The following ABTB3 variants were observed in gnomAD, a reference collection of about 807,000 sequenced individuals.
ABTB3 encodes the protein ankyrin repeat and BTB domain containing 3.
the ABTB3 span, among the ~76,000 whole-genome samples, chr12:107,619,638 G>A: frequency 6.6e-6 from 1 of 152,242 alleles, no homozygotes; most frequent in East Asian, 1.9e-4. Flanking sequence ...TCAGAATCCC[G>A]AAGTATGGAA....
chr12:107,436,018 C>T, the ABTB3 span, among the ~76,000 whole-genome samples: 1 of 152,210 alleles, frequency 6.6e-6, no homozygotes, highest in Non-Finnish European at 1.5e-5. Context: ...ATATTGCACA[C>T]TGCAGCTATA....
At chr12:107,588,046 AG>A in the ABTB3 span, among the ~76,000 whole-genome samples, 1 of 152,168 alleles carries the variant, frequency 6.6e-6, no homozygotes, top group African/African-American at 2.4e-5. Context: ...TGGTGGCTGC[AG>A]GCATTCCTTG....
chr12:107,540,549 GCTGCCAT>G, the ABTB3 span, among the ~76,000 whole-genome samples: 1 of 152,126 alleles, frequency 6.6e-6, no homozygotes, highest in Non-Finnish European at 1.5e-5. Flanking sequence ...CATACCCCTT[GCTGCCAT>G]CTGCACAAGG....
At chr12:107,571,727 A>C in the ABTB3 span, among the ~76,000 whole-genome samples, 39,454 of 152,176 alleles carry the variant, frequency 0.26, 5,232 homozygotes, top group East Asian at 0.32. Context: ...ATCATCATCC[A>C]ACCCCATTTG....
chr12:107,456,351 T>C, the ABTB3 span, among the ~76,000 whole-genome samples: 4 of 152,198 alleles, frequency 2.6e-5, no homozygotes, highest in African/African-American at 9.6e-5. Context: ...GCTTCATCTG[T>C]ATTTATAGTC....
the ABTB3 span, among the ~76,000 whole-genome samples, chr12:107,479,984 T>C: frequency 6.6e-6 from 1 of 152,094 alleles, no homozygotes; most frequent in African/African-American, 2.4e-5. Flanking sequence ...GATTGAGAAA[T>C]AACACAACCA....
the ABTB3 span, among the ~76,000 whole-genome samples, chr12:107,381,280 G>A: frequency 2.0e-5 from 3 of 152,244 alleles, no homozygotes; most frequent in Non-Finnish European, 4.4e-5. Flanking sequence ...AGGGGCATGT[G>A]CTAAATACTT....
the ABTB3 span, chr12:107,486,465 C>T: frequency 6.6e-6 from 1 of 152,064 alleles, no homozygotes. Flanking sequence ...AAAAAGTTGG[C>T]TGTTTTTCAC....
At chr12:107,564,090 C>CTCTGTGTG in the ABTB3 span, among the ~76,000 whole-genome samples, 80 of 126,438 alleles carry the variant, frequency 6.3e-4, no homozygotes, top group African/African-American at 1.9e-3. Flanking sequence ...ATCTATCTCT[C>CTCTGTGTG]TGTGTGTGTG....
At chr12:107,635,870 CCACACACACA>C in the ABTB3 span, among the ~76,000 whole-genome samples, 544 of 115,222 alleles carry the variant, frequency 4.7e-3, 3 homozygotes, top group African/African-American at 0.016. Context: ...CCCCACCCAC[CCACACACACA>C]CACACACACA....
the ABTB3 span, among the ~76,000 whole-genome samples, chr12:107,526,815 C>A: frequency 1.3e-5 from 2 of 152,146 alleles, no homozygotes; most frequent in African/African-American, 4.8e-5. Flanking sequence ...CGCAAACCCA[C>A]AAAAACAGCG....
chr12:107,452,859 A>G, the ABTB3 span, among the ~76,000 whole-genome samples: 1 of 152,132 alleles, frequency 6.6e-6, no homozygotes, highest in Non-Finnish European at 1.5e-5. Flanking sequence ...AAAACAAGTA[A>G]ACAACAACAA....
At chr12:107,613,453 C>G in the ABTB3 span, among the ~76,000 whole-genome samples, 113 of 152,314 alleles carry the variant, frequency 7.4e-4, 1 homozygote, top group African/African-American at 2.5e-3. Context: ...CTCCCCTCCC[C>G]CTTGCAACAT....
chr12:107,573,393 G>A, the ABTB3 span, among the ~76,000 whole-genome samples: 6 of 152,192 alleles, frequency 3.9e-5, no homozygotes, highest in Non-Finnish European at 8.8e-5. Flanking sequence ...GGAAAGAAGG[G>A]GAGATTGGAC....
At chr12:107,619,711 G>A in the ABTB3 span, among the ~76,000 whole-genome samples, 60 of 152,318 alleles carry the variant, frequency 3.9e-4, no homozygotes, top group Admixed American at 1.8e-3. Flanking sequence ...CTTGTGAAAT[G>A]CAGCCTCTAA....
the ABTB3 span, chr12:107,618,278 C>T: frequency 6.2e-7 from 1 of 1,613,964 alleles, no homozygotes; most frequent in Non-Finnish European, 8.5e-7. Flanking sequence ...CCTTGTGCGC[C>T]AGCCGCAACA....
chr12:107,357,180 T>C, the ABTB3 span, among the ~76,000 whole-genome samples: 2 of 152,210 alleles, frequency 1.3e-5, no homozygotes, highest in Non-Finnish European at 2.9e-5. Context: ...ATGCCACTTA[T>C]CTGTTTGCCC....
the ABTB3 span, among the ~76,000 whole-genome samples, chr12:107,457,255 T>C: frequency 1.3e-5 from 2 of 152,216 alleles, no homozygotes; most frequent in Admixed American, 1.3e-4. Flanking sequence ...TCTGACAAGC[T>C]CATCTTTGAT....
the ABTB3 span, among the ~76,000 whole-genome samples, chr12:107,386,890 A>AGTGT: frequency 0.054 from 7,738 of 143,276 alleles, 223 homozygotes; most frequent in Middle Eastern, 0.096. Context: ...GGAAATGGAA[A>AGTGT]GTGTGTGTGT....
Sources: allele counts gnomAD v4.1 joint callset (sites outside exome capture counted in the v4.1 genomes callset), GRCh38; gene constraint gnomAD v4.1.1; transcripts MANE v1.5; gene names NCBI Gene and HGNC (gene_info 2026-07-23, HGNC 2026-07-21).